CADM2: variants seen among roughly 807,000 people sequenced by gnomAD.
CADM2 encodes cell adhesion molecule 2, also known as immunoglobulin superfamily member 4D.
In CADM2, 12 loss-of-function variants were observed where a neutral mutation model predicts 49.8. That is an observed-to-expected ratio of 0.24 (90% CI 0.15 to 0.39). The LOEUF (loss-of-function observed/expected upper bound fraction) is 0.39, where lower values mean the gene tolerates loss of function less well. CADM2 is among the 10% of genes least tolerant of loss of function. The pLI is 1.00. For missense variants in CADM2, 378 were observed against 492.3 expected (o/e 0.77, Z 2.20); for synonymous variants, 214 against 175.4 (o/e 1.22, Z -1.74).
intron 7 of CADM2, among the ~76,000 whole-genome samples, chr3:85,942,549 T>C (rs1274534511): frequency 6.8e-6 from 1 of 147,150 alleles, no homozygotes; most frequent in African/African-American, 2.5e-5. Context: ...GTGATCTCAT[T>C]GTTCAATTCC....
At chr3:85,418,245 A>C (rs1045423830) in intron 1 of CADM2, among the ~76,000 whole-genome samples, 7 of 152,188 alleles carry the variant, frequency 4.6e-5, no homozygotes, top group African/African-American at 1.2e-4. Flanking sequence ...AAATCCATAG[A>C]ATTTACAAGA....
At chr3:86,034,226 T>TTGG (rs1734897385) in intron 8 of CADM2, among the ~76,000 whole-genome samples, 2 of 151,946 alleles carry the variant, frequency 1.3e-5, no homozygotes, top group Admixed American at 1.3e-4. Flanking sequence ...GTCATTTCAA[T>TTGG]GAGGCTCTGA....
At chr3:85,232,164 T>C (rs1222055845) in intron 1 of CADM2, among the ~76,000 whole-genome samples, 1 of 143,466 alleles carries the variant, frequency 7.0e-6, no homozygotes, top group Non-Finnish European at 1.5e-5. Flanking sequence ...ATTATTATTA[T>C]TTAGTGATTT....
intron 2 of CADM2, among the ~76,000 whole-genome samples, chr3:85,757,229 A>G (rs1392868321): frequency 6.6e-6 from 1 of 152,184 alleles, no homozygotes; most frequent in African/African-American, 2.4e-5. Flanking sequence ...GAAGACTATA[A>G]GAAAAGGACT....
At chr3:85,998,216 TA>T (rs1281934557) in intron 8 of CADM2, among the ~76,000 whole-genome samples, 1 of 152,182 alleles carries the variant, frequency 6.6e-6, no homozygotes, top group East Asian at 1.9e-4. Context: ...TGTATTTTTT[TA>T]ATTTCTATTT....
chr3:85,369,335 CAGA>C (rs1436737213), intron 1 of CADM2, among the ~76,000 whole-genome samples: 2 of 152,134 alleles, frequency 1.3e-5, no homozygotes, highest in Non-Finnish European at 2.9e-5. Flanking sequence ...ATGGTGGTCC[CAGA>C]AGATTATAAT....
chr3:85,262,352 T>G (rs1206978855), intron 1 of CADM2, among the ~76,000 whole-genome samples: 1 of 152,102 alleles, frequency 6.6e-6, no homozygotes, highest in Non-Finnish European at 1.5e-5. Flanking sequence ...TGATATGCCT[T>G]TTCTGACATC....
chr3:85,940,506 G>A (rs1471615179), intron 7 of CADM2, among the ~76,000 whole-genome samples: 1 of 151,970 alleles, frequency 6.6e-6, no homozygotes, highest in East Asian at 1.9e-4. Context: ...CATCTAGAGT[G>A]AAATATTGTT....
At chr3:86,032,160 C>G (rs1457612521) in intron 8 of CADM2, among the ~76,000 whole-genome samples, 1 of 150,796 alleles carries the variant, frequency 6.6e-6, no homozygotes, top group Non-Finnish European at 1.5e-5. Context: ...CATATAGACT[C>G]TTATCACAGT....
chr3:85,968,878 T>C (rs1033253392), intron 8 of CADM2, among the ~76,000 whole-genome samples: 1 of 151,784 alleles, frequency 6.6e-6, no homozygotes, highest in Non-Finnish European at 1.5e-5. Context: ...CATAGATTTT[T>C]ACATAAAACC....
At chr3:85,504,539 T>C (rs559062665) in intron 1 of CADM2, among the ~76,000 whole-genome samples, 2 of 152,318 alleles carry the variant, frequency 1.3e-5, no homozygotes, top group South Asian at 4.1e-4. Context: ...CGCTGATTGG[T>C]GCATTTACAA....
At chr3:85,590,692 G>T (rs371710607) in intron 1 of CADM2, among the ~76,000 whole-genome samples, 38 of 151,882 alleles carry the variant, frequency 2.5e-4, no homozygotes, top group African/African-American at 8.7e-4. Flanking sequence ...AAAGGGTCTG[G>T]AACATAGGTG....
chr3:85,180,789 A>G (rs1405623892), intron 1 of CADM2, among the ~76,000 whole-genome samples: 1 of 152,168 alleles, frequency 6.6e-6, no homozygotes, highest in African/African-American at 2.4e-5. Context: ...ACATTTCTGG[A>G]ATATAAAGCT....
intron 1 of CADM2, among the ~76,000 whole-genome samples, chr3:85,541,724 A>ATATATATTTTATATATATATTT (rs1241080519): frequency 7.4e-6 from 1 of 134,982 alleles, no homozygotes; most frequent in Admixed American, 8.0e-5. Context: ...TATATTATAT[A>ATATATATTTTATATATATATTT]TATATATTTT....
intron 1 of CADM2, among the ~76,000 whole-genome samples, chr3:85,391,236 A>T (rs1490186339): frequency 1.3e-5 from 2 of 152,090 alleles, no homozygotes; most frequent in Non-Finnish European, 2.9e-5. Flanking sequence ...AAAGAGTTCA[A>T]TTAATACTAG....
intron 1 of CADM2, among the ~76,000 whole-genome samples, chr3:85,723,814 CTAAT>C (rs1190741453): frequency 2.0e-5 from 3 of 151,948 alleles, no homozygotes; most frequent in Non-Finnish European, 2.9e-5. Flanking sequence ...ATGTTAGATG[CTAAT>C]TAATTATTAT....
At chr3:85,059,194 G>A (rs1313908138) in intron 1 of CADM2, among the ~76,000 whole-genome samples, 23 of 151,666 alleles carry the variant, frequency 1.5e-4, no homozygotes, top group Admixed American at 1.1e-3. Flanking sequence ...AGCCGAGATC[G>A]CGCCACTGCA....
chr3:85,413,090 G>C (rs1166047303), intron 1 of CADM2, among the ~76,000 whole-genome samples: 1 of 124,526 alleles, frequency 8.0e-6, no homozygotes, highest in African/African-American at 3.1e-5. Context: ...GCAGTGAGCC[G>C]AGATCGCACC....
intron 1 of CADM2, among the ~76,000 whole-genome samples, chr3:85,365,581 A>G (rs2032725018): frequency 6.6e-6 from 1 of 152,104 alleles, no homozygotes; most frequent in Non-Finnish European, 1.5e-5. Context: ...CTGATTTTTT[A>G]TGTATGTCAT....
Sources: allele counts gnomAD v4.1 joint callset (sites outside exome capture counted in the v4.1 genomes callset), GRCh38; gene constraint gnomAD v4.1.1; transcripts MANE v1.5; gene names NCBI Gene and HGNC (gene_info 2026-07-23, HGNC 2026-07-21).